Variants in GRM7 observed in about 807,000 individuals in gnomAD.
GRM7 encodes the protein glutamate metabotropic receptor 7.
In GRM7, 35 loss-of-function variants were observed where a neutral mutation model predicts 84.5. That is an observed-to-expected ratio of 0.41 (90% CI 0.32 to 0.55). The LOEUF is 0.55. GRM7 is among the 20% of genes least tolerant of loss of function. GRM7 has a pLI of 0.19. For synonymous variants in GRM7, 487 were observed against 455.1 expected, an observed-to-expected ratio of 1.07 and a Z score of -0.89; for missense variants, 1,003 against 1,194.6, an observed-to-expected ratio of 0.84 and a Z score of 2.36.
chr3:7,131,622 G>A (rs1482363932), intron 1 of GRM7, among the ~76,000 whole-genome samples: 2 of 151,908 alleles, frequency 1.3e-5, no homozygotes, highest in Non-Finnish European at 2.9e-5. Context: ...GGGACTACAG[G>A]TGCACGCCAC....
chr3:7,229,758 TA>T (rs1193582940), intron 2 of GRM7, among the ~76,000 whole-genome samples: 82 of 32,366 alleles, frequency 2.5e-3, no homozygotes, highest in South Asian at 3.4e-3. Context: ...TATATATATA[TA>T]TTTTTTTTTT....
chr3:7,583,954 A>T (rs1695392557), intron 8 of GRM7, among the ~76,000 whole-genome samples: 2 of 152,322 alleles, frequency 1.3e-5, no homozygotes, highest in South Asian at 4.1e-4. Context: ...GTCTTCAAAC[A>T]AACATTGAAT....
chr3:7,224,657 C>A (rs1009876251), intron 2 of GRM7, among the ~76,000 whole-genome samples: 5 of 152,140 alleles, frequency 3.3e-5, no homozygotes, highest in African/African-American at 1.2e-4. Context: ...TCCTCCAAAC[C>A]ACTACTCATA....
At chr3:7,568,875 C>T (rs1694480393) in intron 7 of GRM7, among the ~76,000 whole-genome samples, 2 of 152,114 alleles carry the variant, frequency 1.3e-5, no homozygotes, top group African/African-American at 2.4e-5. Context: ...CCTGAGCGCC[C>T]CCCCTCCATG....
Position 7,717,235 on chromosome 3 carries a change from C to CA in GRM7, c.2699-23116dup, listed in dbSNP as rs573995558. The stretch of plus-strand genomic sequence containing the variant: ...ATTTTAGTTTTCATTTTGAAATCAC[C>CA]AAAAAACAGACAGAAAAGACTTCCA... On this transcript the variant is annotated intron_variant, in intron 9 of 9. Coordinates refer to ENST00000357716, the MANE Select transcript of GRM7 (RefSeq NM_000844.4). Among the ~76,000 whole-genome samples, 452 of 151,730 alleles carry CA rather than the reference C, an allele frequency of 3.0e-3. 3 individuals are homozygous for CA. Among genetic ancestry groups the CA allele is most frequent in the African/African-American group, 0.01 (418 of 41,390 alleles).
chr3:7,526,023 CTT>C (rs966252545), intron 7 of GRM7, among the ~76,000 whole-genome samples: 4 of 152,040 alleles, frequency 2.6e-5, no homozygotes, highest in African/African-American at 7.2e-5. Flanking sequence ...GTACATGTGT[CTT>C]TTTGATAGCA....
chr3:7,337,269 G>A lies in GRM7; in HGVS notation c.1033+30617G>A, dbSNP rs1701457509. ...TCTCACCTTATACAAAAATCAAGAT[G>A]AATCGAAGACTTAAATCTAAGACCT... is the stretch of plus-strand genomic sequence containing the variant. On this transcript the variant is annotated intron_variant, in intron 4 of 9. Transcript: ENST00000357716. 2.0e-5 allele frequency among the ~76,000 whole-genome samples: 3 copies of A among 151,862 alleles called. No homozygotes were observed. In the South Asian group the frequency reaches 6.2e-4, roughly 31 times the overall value.
chr3:7,599,771 G>C (rs1696228635), intron 8 of GRM7, among the ~76,000 whole-genome samples: 1 of 152,056 alleles, frequency 6.6e-6, no homozygotes, highest in Non-Finnish European at 1.5e-5. Context: ...CTGATATCAT[G>C]AAGCCCTAAT....
intron 2 of GRM7, among the ~76,000 whole-genome samples, chr3:7,180,188 A>G (rs976587302): frequency 1.3e-5 from 2 of 152,236 alleles, no homozygotes; most frequent in Non-Finnish European, 2.9e-5. Context: ...GCTAAGTGAT[A>G]AGCCACACTA....
intron 7 of GRM7, among the ~76,000 whole-genome samples, chr3:7,506,865 G>A (rs1700055168): frequency 6.6e-6 from 1 of 152,180 alleles, no homozygotes; most frequent in South Asian, 2.1e-4. Flanking sequence ...CCATTAGTGA[G>A]AGATGAGGGA....
intron 1 of GRM7, among the ~76,000 whole-genome samples, chr3:7,073,539 T>C (rs1245924939): frequency 6.6e-6 from 1 of 152,112 alleles, no homozygotes; most frequent in Non-Finnish European, 1.5e-5. Flanking sequence ...GATTTTCAGA[T>C]CAGATTTCAA....
At chr3:7,292,245 C>T (rs1699657485) in intron 2 of GRM7, among the ~76,000 whole-genome samples, 2 of 152,180 alleles carry the variant, frequency 1.3e-5, no homozygotes, top group Non-Finnish European at 2.9e-5. Flanking sequence ...CTTTCACAGA[C>T]ATTTAACATC....
In GRM7 at chr3:7,526,834, G is replaced by T. The variant is rs536822867; in HGVS notation, c.1516-51588G>T. ...CAACATTGTCAAAGATTAGTTGATT[G>T]TAGGTGTGTGGCTTTTCTTCTGAGT... On this transcript the variant is annotated intron_variant, in intron 7 of 9. Transcript: ENST00000357716. 3.7e-4 allele frequency among the ~76,000 whole-genome samples: 56 copies of T among 152,110 alleles called. 1 individual carries two copies. The highest frequency in any genetic ancestry group is 1.3e-3 in the African/African-American group (53 of 41,536).
At chr3:7,736,751 G>T (rs1367319813) in intron 9 of GRM7, among the ~76,000 whole-genome samples, 1 of 152,050 alleles carries the variant, frequency 6.6e-6, no homozygotes, top group East Asian at 1.9e-4. Context: ...GTATGTCAAA[G>T]TGTTATATTC....
intron 2 of GRM7, among the ~76,000 whole-genome samples, chr3:7,246,854 C>A (rs1168085888): frequency 6.6e-6 from 1 of 151,828 alleles, no homozygotes; most frequent in Admixed American, 6.6e-5. Flanking sequence ...AGTCACTAGC[C>A]AAAACAATAT....
At chr3:7,323,671 AT>A (rs1187694581) in intron 4 of GRM7, among the ~76,000 whole-genome samples, 1 of 152,126 alleles carries the variant, frequency 6.6e-6, no homozygotes, top group Non-Finnish European at 1.5e-5. Flanking sequence ...CAAAAAACTA[AT>A]TTGCCAAGTC....
intron 1 of GRM7, among the ~76,000 whole-genome samples, chr3:7,126,322 C>G (rs6443090): frequency 0.21 from 32,309 of 152,180 alleles, 3,636 homozygotes; most frequent in Middle Eastern, 0.32. Flanking sequence ...CACAGAAACA[C>G]TGACTTGTAA....
intron 9 of GRM7, among the ~76,000 whole-genome samples, chr3:7,684,363 G>C (rs1240338574): frequency 6.6e-6 from 1 of 152,208 alleles, no homozygotes; most frequent in Non-Finnish European, 1.5e-5. Flanking sequence ...GTGTCTGAGA[G>C]GAAGTAGAGT....
At chr3:7,369,467 C>G (rs1694045258) in intron 4 of GRM7, among the ~76,000 whole-genome samples, 1 of 151,380 alleles carries the variant, frequency 6.6e-6, no homozygotes, top group South Asian at 2.1e-4. Flanking sequence ...GTTCCTTTGG[C>G]TATAACTTTG....
Sources: gnomAD v4.1 joint callset for allele counts (sites outside exome capture counted in the v4.1 genomes callset) on GRCh38, gnomAD v4.1.1 for gene constraint, MANE v1.5 for transcripts, NCBI Gene and HGNC (gene_info 2026-07-23, HGNC 2026-07-21) for gene names.